The following PTPRT variants were observed in gnomAD, a reference collection of about 807,000 sequenced individuals.
PTPRT encodes protein tyrosine phosphatase receptor type T.
A neutral mutation model predicts 176.8 loss-of-function variants in PTPRT; 56 were observed. The ratio of observed to expected loss-of-function variants is 0.32; its 90% CI spans 0.26 to 0.40. The LOEUF (loss-of-function observed/expected upper bound fraction) is 0.40, where lower values mean the gene tolerates loss of function less well. PTPRT is among the 10% of genes least tolerant of loss of function. The pLI, the probability that PTPRT is intolerant of heterozygous loss-of-function variation, is 1.00. For synonymous variants in PTPRT, 783 were observed against 739.0 expected (o/e 1.06, Z -0.96); for missense variants, 1,540 against 1,908.2 (o/e 0.81, Z 3.60).
the PTPRT span, among the ~76,000 whole-genome samples, chr20:42,060,630 T>C: frequency 6.6e-6 from 1 of 152,234 alleles, no homozygotes; most frequent in African/African-American, 2.4e-5. Context: ...CCTGCTGCCA[T>C]CCATGTAAGA....
chr20:43,014,593 G>C (rs1985288562), intron 1 of PTPRT, among the ~76,000 whole-genome samples: 1 of 151,966 alleles, frequency 6.6e-6, no homozygotes. Context: ...CTGAGTTTCA[G>C]GGGGTTATTT....
chr20:42,451,631 C>A (rs2070829520), intron 8 of PTPRT, among the ~76,000 whole-genome samples: 1 of 152,236 alleles, frequency 6.6e-6, no homozygotes, highest in Middle Eastern at 3.4e-3. Context: ...GGAAGGTAAG[C>A]CGTCATTGTA....
At position 42,980,699 on chromosome 20, in the gene PTPRT, T is replaced by A. The variant is rs188562471; in HGVS notation, c.89-94767A>T. Among the ~76,000 whole-genome samples the A allele has an allele frequency of 2.0e-5, 3 of 152,288 alleles. No homozygotes were observed. The East Asian group carries it at 5.8e-4, about 29-fold the overall frequency. On this transcript the variant is annotated intron_variant, in intron 1 of 30. Transcript: ENST00000373187. ...GCTCTGACCAAGAAAGCCTTGACAT[T>A]CCTTCCCCTTGGTTTGACTAAAGTT...
intron 7 of PTPRT, among the ~76,000 whole-genome samples, chr20:42,561,894 C>G (rs534977926): frequency 2.0e-5 from 3 of 152,202 alleles, no homozygotes; most frequent in African/African-American, 7.2e-5. Flanking sequence ...GGCTGTTGTT[C>G]CCCCCAAAAC....
downstream of PTPRT, among the ~76,000 whole-genome samples, chr20:42,070,363 C>T (rs934066459): frequency 2.6e-5 from 4 of 151,560 alleles, no homozygotes; most frequent in Non-Finnish European, 5.9e-5. Flanking sequence ...TCTAGCCACA[C>T]AGGAAGGCCA....
intron 9 of PTPRT, among the ~76,000 whole-genome samples, chr20:42,416,124 G>A (rs1354891869): frequency 6.6e-6 from 1 of 152,162 alleles, no homozygotes; most frequent in African/African-American, 2.4e-5. Context: ...AGATCATCCT[G>A]GAGTAGGGTG....
intron 1 of PTPRT, among the ~76,000 whole-genome samples, chr20:42,897,847 T>C (rs2079330867): frequency 6.6e-6 from 1 of 152,234 alleles, no homozygotes; most frequent in African/African-American, 2.4e-5. Flanking sequence ...GATTGGGTAA[T>C]TTAATATTTG....
the PTPRT span, among the ~76,000 whole-genome samples, chr20:42,049,245 G>A: frequency 2.0e-5 from 3 of 152,338 alleles, no homozygotes; most frequent in South Asian, 6.2e-4. Context: ...GGGTATATAT[G>A]TGACAATGCA....
At chr20:42,168,119 T>A (rs1989907573) in intron 16 of PTPRT, among the ~76,000 whole-genome samples, 1 of 152,138 alleles carries the variant, frequency 6.6e-6, no homozygotes, top group Admixed American at 6.5e-5. Context: ...AAGTGGATCA[T>A]CATACAGTTC....
chr20:42,189,759 T>A (rs1990924120), intron 16 of PTPRT, among the ~76,000 whole-genome samples: 1 of 152,230 alleles, frequency 6.6e-6, no homozygotes. Flanking sequence ...CATTGAGTGA[T>A]CTTGGGAAAA....
intron 1 of PTPRT, among the ~76,000 whole-genome samples, chr20:43,018,694 T>G (rs769090722): frequency 5.3e-5 from 8 of 152,042 alleles, no homozygotes; most frequent in Non-Finnish European, 1.0e-4. Context: ...AACAAAAGAT[T>G]TGAACAGGTA....
intron 2 of PTPRT, among the ~76,000 whole-genome samples, chr20:42,872,497 TC>T (rs2078862179): frequency 6.6e-6 from 1 of 152,158 alleles, no homozygotes; most frequent in Non-Finnish European, 1.5e-5. Flanking sequence ...CTCCATATAC[TC>T]ATGAAGACAA....
At chr20:43,035,354 G>C (rs932910388) in intron 1 of PTPRT, among the ~76,000 whole-genome samples, 1 of 152,204 alleles carries the variant, frequency 6.6e-6, no homozygotes. Context: ...TCAGCAAAAG[G>C]CTTCTGTAAA....
intron 1 of PTPRT, among the ~76,000 whole-genome samples, chr20:42,944,243 T>C (rs894703994): frequency 6.6e-6 from 1 of 152,050 alleles, no homozygotes; most frequent in African/African-American, 2.4e-5. Flanking sequence ...GGGCGGAAAG[T>C]GCTTCTGCTG....
intron 5 of PTPRT, among the ~76,000 whole-genome samples, chr20:42,763,423 C>A (rs1378286819): frequency 6.6e-6 from 1 of 151,254 alleles, no homozygotes; most frequent in Non-Finnish European, 1.5e-5. Flanking sequence ...ATCCTGGAAG[C>A]CTTCAGTGTG....
At chr20:43,180,341 A>ATCTCTCTCCCTCTCTC (rs1555844323) in intron 1 of PTPRT, among the ~76,000 whole-genome samples, 10 of 115,018 alleles carry the variant, frequency 8.7e-5, no homozygotes, top group African/African-American at 3.4e-4. Flanking sequence ...AAATGAATCA[A>ATCTCTCTCCCTCTCTC]TCTCTCTCTC....
intron 2 of PTPRT, among the ~76,000 whole-genome samples, chr20:42,847,912 T>C (rs1464747132): frequency 2.0e-5 from 3 of 152,228 alleles, no homozygotes; most frequent in African/African-American, 4.8e-5. Flanking sequence ...TGGTGATTTC[T>C]GAGAGTTTGG....
At chr20:43,140,306 G>C (rs547803038) in intron 1 of PTPRT, among the ~76,000 whole-genome samples, 176 of 152,164 alleles carry the variant, frequency 1.2e-3, no homozygotes, top group African/African-American at 3.9e-3. Context: ...CTAGCCTTTT[G>C]CAAGTATGAG....
chr20:42,336,489 T>C (rs755479041), intron 11 of PTPRT, among the ~76,000 whole-genome samples: 2 of 152,178 alleles, frequency 1.3e-5, no homozygotes, highest in Non-Finnish European at 2.9e-5. Context: ...TTTCCAACTA[T>C]GTGTATTTGT....
Sources: gnomAD v4.1 joint callset for allele counts (sites outside exome capture counted in the v4.1 genomes callset) on GRCh38, gnomAD v4.1.1 for gene constraint, MANE v1.5 for transcripts, NCBI Gene and HGNC (gene_info 2026-07-23, HGNC 2026-07-21) for gene names.